The following PIK3C3 variants were observed in gnomAD, a reference collection of about 807,000 sequenced individuals.
PIK3C3 encodes the protein PI3-kinase type 3.
In PIK3C3, 95 loss-of-function variants were observed where a neutral mutation model predicts 126.1. That is an observed-to-expected ratio of 0.75 (90% CI 0.64 to 0.89). The LOEUF is 0.89. Ranked by LOEUF, PIK3C3 falls within the 40% of genes least tolerant of loss-of-function variation. The pLI is 0.00. For synonymous variants in PIK3C3, 374 were observed against 360.0 expected, an observed-to-expected ratio of 1.04 and a Z score of -0.44; for missense variants, 829 against 1,063.2, an observed-to-expected ratio of 0.78 and a Z score of 3.06.
chr18:41,990,521 T>C lies in PIK3C3; in HGVS notation c.681T>C (p.Asp227=). 1 of 1,600,894 alleles carries C rather than the reference T, an allele frequency of 6.2e-7. No individual in the cohort carries two copies. Among genetic ancestry groups the C allele is most frequent in the African/African-American group, 1.3e-5 (1 of 74,744 alleles). ...LMVEFRCVKC[D]DKEYGIVYYE... ...TTGAATTTCGATGTGTCAAGTGTGA[T>C]GATAAGGAATATGGTATTGTTTATT... The change falls in exon 6 of 25, where the codon GAT becomes GAC. Residue 227 remains aspartate, a synonymous_variant. Transcript: ENST00000262039.
At chr18:42,069,245 A>C (rs1985676024) in intron 24 of PIK3C3, among the ~76,000 whole-genome samples, 1 of 152,210 alleles carries the variant, frequency 6.6e-6, no homozygotes, top group African/African-American at 2.4e-5. Context: ...TCATTTGTTG[A>C]GAATAAATTG....
intron 4 of PIK3C3, among the ~76,000 whole-genome samples, chr18:41,981,828 T>G (rs1415731147): frequency 1.3e-4 from 19 of 150,086 alleles, no homozygotes; most frequent in Non-Finnish European, 1.8e-4. Flanking sequence ...AAGAAAAAAT[T>G]AGCCAGGCAT....
chr18:42,046,132 C>T (rs575685611), intron 20 of PIK3C3, among the ~76,000 whole-genome samples: 2 of 152,218 alleles, frequency 1.3e-5, no homozygotes, highest in South Asian at 4.1e-4. Context: ...CAGTTAAATT[C>T]ACATTATATC....
chr18:42,029,515 T>C (rs1418197261), intron 15 of PIK3C3, 74 bp downstream of exon 15: 5 of 822,274 alleles, frequency 6.1e-6, no homozygotes, highest in Non-Finnish European at 1.0e-5. Context: ...CACTATTGTC[T>C]TTTTGGGTTG....
chr18:42,063,738 A>T (rs1409617472), intron 22 of PIK3C3, among the ~76,000 whole-genome samples: 1 of 152,066 alleles, frequency 6.6e-6, no homozygotes, highest in Non-Finnish European at 1.5e-5. Flanking sequence ...GTATTTTATT[A>T]TTATTATTAT....
chr18:41,966,188 T>C (rs1980354603), intron 3 of PIK3C3, among the ~76,000 whole-genome samples: 1 of 145,546 alleles, frequency 6.9e-6, no homozygotes, highest in African/African-American at 2.5e-5. Context: ...TTTTTTTTTT[T>C]TTTTTTTTTT....
chr18:41,959,283 A>G (rs1979954642), intron 2 of PIK3C3, among the ~76,000 whole-genome samples: 1 of 152,218 alleles, frequency 6.6e-6, no homozygotes, highest in Non-Finnish European at 1.5e-5. Context: ...ATTCTCAATT[A>G]CAAGATTAAA....
chr18:41,998,390 TC>T (rs1339687621), intron 9 of PIK3C3, among the ~76,000 whole-genome samples: 1 of 152,152 alleles, frequency 6.6e-6, no homozygotes, highest in Admixed American at 6.6e-5. Flanking sequence ...TGAATGCAGC[TC>T]AGTGTCGTCT....
intron 10 of PIK3C3, among the ~76,000 whole-genome samples, chr18:42,005,338 G>A (rs1371681032): frequency 6.6e-6 from 1 of 152,122 alleles, no homozygotes; most frequent in African/African-American, 2.4e-5. Context: ...ACATAGAAAA[G>A]GTACAGTAAA....
rs565352370 is a variant in PIK3C3, at chr18:41,994,557, GAATT to G, written c.786+1219_786+1222del. Reference sequence around the variant, plus strand: ...TGTAAACCAATATACTGGTTGAACAGAATTAAAAGCCCAGAAATACATCCAAGTA... The same window carrying G: ...TGTAAACCAATATACTGGTTGAACAGAAAAGCCCAGAAATACATCCAAGTA... On this transcript the variant is annotated intron_variant, in intron 7 of 24. Coordinates refer to ENST00000262039, the MANE Select transcript of PIK3C3 (RefSeq NM_002647.4). Among the ~76,000 whole-genome samples the G allele has an allele frequency of 3.3e-5, 5 of 152,024 alleles. No homozygotes were observed. In the South Asian group the frequency reaches 8.3e-4, roughly 25 times the overall value.
chr18:41,957,271 G>A (rs1243191381), intron 1 of PIK3C3, among the ~76,000 whole-genome samples: 1 of 152,132 alleles, frequency 6.6e-6, no homozygotes, highest in Non-Finnish European at 1.5e-5. Context: ...GGTAGATCAA[G>A]GGTCAATGGC....
intron 10 of PIK3C3, among the ~76,000 whole-genome samples, chr18:42,004,997 G>A (rs1228579392): frequency 1.3e-5 from 2 of 152,098 alleles, no homozygotes; most frequent in African/African-American, 2.4e-5. Flanking sequence ...CTTCAAACTC[G>A]CCTTTTAAAC....
chr18:41,984,199 A>G (rs1010049501), intron 4 of PIK3C3, among the ~76,000 whole-genome samples: 3 of 152,090 alleles, frequency 2.0e-5, no homozygotes, highest in African/African-American at 7.2e-5. Flanking sequence ...GGAAAGATGT[A>G]AATCACTGAC....
intron 9 of PIK3C3, among the ~76,000 whole-genome samples, chr18:42,002,565 G>A (rs1982339200): frequency 6.6e-6 from 1 of 152,108 alleles, no homozygotes; most frequent in African/African-American, 2.4e-5. Context: ...GTTCATTATA[G>A]TTAAAATCAA....
At chr18:42,048,957 A>G (rs1984675456) in intron 20 of PIK3C3, among the ~76,000 whole-genome samples, 1 of 152,190 alleles carries the variant, frequency 6.6e-6, no homozygotes, top group Non-Finnish European at 1.5e-5. Flanking sequence ...GACTTTTTTT[A>G]GAATAAAAAG....
chr18:41,998,729 T>A (rs192227955), intron 9 of PIK3C3, among the ~76,000 whole-genome samples: 1 of 152,306 alleles, frequency 6.6e-6, no homozygotes, highest in Non-Finnish European at 1.5e-5. Context: ...CGATATGTTT[T>A]AATGTTCAGA....
At chr18:42,024,257 A>G (rs1233679666) in intron 13 of PIK3C3, among the ~76,000 whole-genome samples, 1 of 152,180 alleles carries the variant, frequency 6.6e-6, no homozygotes, top group Non-Finnish European at 1.5e-5. Flanking sequence ...ACAGCTTTCA[A>G]AGAAATACCT....
chr18:41,961,099 G>T (rs1444292351), intron 2 of PIK3C3, among the ~76,000 whole-genome samples: 1 of 152,102 alleles, frequency 6.6e-6, no homozygotes, highest in East Asian at 1.9e-4. Flanking sequence ...GTGTTGCCTG[G>T]TATTGGATAG....
chr18:42,047,962 A>G (rs547113295), intron 20 of PIK3C3, among the ~76,000 whole-genome samples: 12 of 152,284 alleles, frequency 7.9e-5, no homozygotes, highest in Non-Finnish European at 1.2e-4. Context: ...TAACCATTCA[A>G]CCCTGCCATT....
Sources: gnomAD v4.1 joint callset for allele counts (sites outside exome capture counted in the v4.1 genomes callset) on GRCh38, gnomAD v4.1.1 for gene constraint, MANE v1.5 for transcripts, NCBI Gene and HGNC (gene_info 2026-07-23, HGNC 2026-07-21) for gene names.